FARS2: variants seen among roughly 807,000 people sequenced by gnomAD.
FARS2 encodes the protein phenylalanyl-tRNA synthetase 2, mitochondrial, also known as phenylalanine--tRNA ligase, mitochondrial.
In FARS2, 40 loss-of-function variants were observed where a neutral mutation model predicts 46.4. The ratio of observed to expected loss-of-function variants is 0.86; its 90% CI spans 0.67 to 1.12. The LOEUF (loss-of-function observed/expected upper bound fraction) is 1.12. Ranked by LOEUF, FARS2 falls within the 50% of genes most tolerant of loss-of-function variation. The pLI is 0.00. For synonymous variants in FARS2, 234 were observed against 214.9 expected, an observed-to-expected ratio of 1.09 and a Z score of -0.78; for missense variants, 513 against 567.9, an observed-to-expected ratio of 0.90 and a Z score of 0.98.
At chr6:5,521,350 A>G (rs1479096983) in intron 4 of FARS2, among the ~76,000 whole-genome samples, 1 of 150,884 alleles carries the variant, frequency 6.6e-6, no homozygotes, top group Non-Finnish European at 1.5e-5. Flanking sequence ...TCAATATATG[A>G]TATTTGTCTT....
At chr6:5,771,156 G>C in intron 6 of FARS2, 135 bp from the exon 7 acceptor site, 1 of 876,620 alleles carries the variant, frequency 1.1e-6, no homozygotes, top group Non-Finnish European at 1.8e-6. Flanking sequence ...CAGATTGTTA[G>C]CGGTAAATGG....
chr6:5,260,893 G>C (rs1001719148), upstream of FARS2: 1 of 1,402,554 alleles, frequency 7.1e-7, no homozygotes, highest in Admixed American at 3.1e-5. Context: ...CAGCCCTGCG[G>C]ATCGCGGACG....
At chr6:5,387,883 A>G (rs1760238756) in intron 2 of FARS2, among the ~76,000 whole-genome samples, 1 of 152,214 alleles carries the variant, frequency 6.6e-6, no homozygotes, top group Admixed American at 6.5e-5. Context: ...TCTCTATATT[A>G]AATTTTGCAA....
At chr6:5,394,862 C>T (rs1170463024) in intron 2 of FARS2, among the ~76,000 whole-genome samples, 3 of 152,080 alleles carry the variant, frequency 2.0e-5, no homozygotes, top group African/African-American at 7.2e-5. Context: ...ACGTCACACT[C>T]ATTTTGCCAT....
chr6:5,669,993 C>A (rs1778368547), intron 6 of FARS2, among the ~76,000 whole-genome samples: 1 of 152,152 alleles, frequency 6.6e-6, no homozygotes, highest in Non-Finnish European at 1.5e-5. Context: ...CAATAACATC[C>A]CATTTCTTGT....
chr6:5,695,276 T>G lies in FARS2; in HGVS notation c.1218-76015T>G, dbSNP rs1758029781. 3.3e-5 allele frequency: 5 copies of G among 152,362 alleles called. No individual in the cohort carries two copies. In the South Asian group the frequency reaches 1.0e-3, roughly 32 times the overall value. 9.4% of individuals were successfully genotyped at this position (152,362 alleles called of 1,614,324 possible). Reference sequence around the variant, plus strand: ...TAAGATCCATGCTAGGAATTAATCCTGCTTCCTAGGAAGTTACACAACAGC... The same window carrying G: ...TAAGATCCATGCTAGGAATTAATCCGGCTTCCTAGGAAGTTACACAACAGC... On this transcript the variant is annotated intron_variant, in intron 6 of 6. Coordinates refer to ENST00000274680, the MANE Select transcript of FARS2 (RefSeq NM_006567.5).
At chr6:5,704,226 C>T (rs1471302482) in intron 6 of FARS2, among the ~76,000 whole-genome samples, 1 of 152,172 alleles carries the variant, frequency 6.6e-6, no homozygotes, top group African/African-American at 2.4e-5. Context: ...TGTGAGGGCC[C>T]ACCTCTTGGC....
chr6:5,411,475 G>GT (rs1761939055), intron 3 of FARS2, among the ~76,000 whole-genome samples: 1 of 152,006 alleles, frequency 6.6e-6, no homozygotes, highest in African/African-American at 2.4e-5. Flanking sequence ...AAAACTTAAG[G>GT]TTCACTCTTT....
At chr6:5,497,705 C>T (rs1767554730) in intron 4 of FARS2, among the ~76,000 whole-genome samples, 1 of 152,074 alleles carries the variant, frequency 6.6e-6, no homozygotes, top group African/African-American at 2.4e-5. Context: ...ATATTTTCCT[C>T]AATATTGTTC....
At chr6:5,367,590 C>T (rs1231245562) in intron 1 of FARS2, among the ~76,000 whole-genome samples, 1 of 151,454 alleles carries the variant, frequency 6.6e-6, no homozygotes, top group Non-Finnish European at 1.5e-5. Flanking sequence ...TGACTTGAAC[C>T]GCCTATACTA....
At chr6:5,455,201 C>A (rs999365833) in intron 4 of FARS2, among the ~76,000 whole-genome samples, 9 of 152,178 alleles carry the variant, frequency 5.9e-5, no homozygotes, top group Non-Finnish European at 8.8e-5. Context: ...TCTTACCCTG[C>A]AGATGGTTAC....
intron 4 of FARS2, among the ~76,000 whole-genome samples, chr6:5,539,371 T>C (rs1770433162): frequency 8.4e-6 from 1 of 119,662 alleles, no homozygotes; most frequent in African/African-American, 2.9e-5. Flanking sequence ...CATGCCCACC[T>C]AATTTTTTTT....
At position 5,311,698 on chromosome 6, in the gene FARS2, T is replaced by C. The variant is rs2127548925; in HGVS notation, c.-22+50038T>C. Reference sequence around the variant, plus strand: ...CTCAGTTTTTGACCTGGGTGTCTTATTTAGCTAAGACTAGGACCATGTGCT... The same window carrying C: ...CTCAGTTTTTGACCTGGGTGTCTTACTTAGCTAAGACTAGGACCATGTGCT... On this transcript the variant is annotated intron_variant, in intron 1 of 6. Transcript: ENST00000274680. The surrounding 1 kb of genome is among the most constrained non-coding windows in gnomAD (Gnocchi z 4.1). 6.6e-6 allele frequency among the ~76,000 whole-genome samples: 1 copy of C among 152,318 alleles called. No individual in the cohort carries two copies. Among genetic ancestry groups the C allele is most frequent in the East Asian group, 1.9e-4 (1 of 5,180 alleles).
chr6:5,401,558 T>G (rs1418849440), intron 2 of FARS2, among the ~76,000 whole-genome samples: 2 of 152,184 alleles, frequency 1.3e-5, no homozygotes, highest in African/African-American at 2.4e-5. Context: ...TTTTATGTAT[T>G]AACATGTTCT....
At chr6:5,562,004 C>A (rs1772011979) in intron 5 of FARS2, among the ~76,000 whole-genome samples, 1 of 151,844 alleles carries the variant, frequency 6.6e-6, no homozygotes, top group African/African-American at 2.4e-5. Context: ...TTCCTAATTT[C>A]TTGCTTTTAA....
chr6:5,537,710 C>T (rs1027837197), intron 4 of FARS2, among the ~76,000 whole-genome samples: 9 of 152,232 alleles, frequency 5.9e-5, no homozygotes, highest in African/African-American at 1.2e-4. Context: ...CCCTCTCTGA[C>T]GCTGTAGAGG....
At position 5,517,376 on chromosome 6, in the gene FARS2, C is replaced by G. The variant is rs562852539; in HGVS notation, c.905-27804C>G. The stretch of plus-strand genomic sequence containing the variant: ...CCTGTAATTCCAGCACTTTGGGAGG[C>G]CGAGGCAGGCAGATCCACTTGAGTT... On this transcript the variant is annotated intron_variant, in intron 4 of 6. Coordinates refer to ENST00000274680, the MANE Select transcript of FARS2 (RefSeq NM_006567.5). Among the ~76,000 whole-genome samples, 7 of 152,204 alleles carry G rather than the reference C, an allele frequency of 4.6e-5. No individual in the cohort carries two copies. In the East Asian group the frequency reaches 1.4e-3, roughly 29 times the overall value.
intron 6 of FARS2, among the ~76,000 whole-genome samples, chr6:5,619,404 A>G (rs1425296771): frequency 6.6e-6 from 1 of 151,670 alleles, no homozygotes; most frequent in Non-Finnish European, 1.5e-5. Flanking sequence ...TCATAGACTC[A>G]CTCCTTGTTC....
intron 4 of FARS2, among the ~76,000 whole-genome samples, chr6:5,513,566 G>C (rs1768585053): frequency 6.6e-6 from 1 of 152,356 alleles, no homozygotes; most frequent in African/African-American, 2.4e-5. Flanking sequence ...CAGGGCGCCT[G>C]TGTCTTTTCG....
Sources: allele counts gnomAD v4.1 joint callset (sites outside exome capture counted in the v4.1 genomes callset), GRCh38; gene constraint gnomAD v4.1.1; non-coding constraint Gnocchi (gnomAD v3.1); transcripts MANE v1.5; gene names NCBI Gene and HGNC (gene_info 2026-07-23, HGNC 2026-07-21).